PHF20: variants seen among roughly 807,000 people sequenced by gnomAD.
PHF20 encodes glioma-expressed antigen 2.
PHF20 carries 23 observed loss-of-function variants against 113.5 expected under a neutral mutation model. The ratio of observed to expected loss-of-function variants is 0.20; its 90% confidence interval spans 0.15 to 0.29. The LOEUF is 0.29. Among genes scored for constraint, PHF20 ranks in the 10% least tolerant of loss-of-function variants. The pLI, the probability that PHF20 is intolerant of heterozygous loss-of-function variation, is 1.00. For missense variants in PHF20, 943 were observed against 1,219.6 expected (o/e 0.77, Z 3.38); for synonymous variants, 434 against 457.3 (o/e 0.95, Z 0.65).
At chr20:35,796,543 G>A (rs1434327535) in intron 1 of PHF20, among the ~76,000 whole-genome samples, 9 of 152,154 alleles carry the variant, frequency 5.9e-5, no homozygotes, top group African/African-American at 2.2e-4. Flanking sequence ...AGGACCCCAG[G>A]AGGTGTTCTA....
At chr20:35,877,085 C>CGACA (rs2147002551) in intron 9 of PHF20, among the ~76,000 whole-genome samples, 1 of 118,838 alleles carries the variant, frequency 8.4e-6, no homozygotes, top group South Asian at 2.7e-4. Context: ...CCAGCCTGGG[C>CGACA]GACAGAGTGA....
At chr20:35,852,395 G>T (rs1048689126) in intron 4 of PHF20, among the ~76,000 whole-genome samples, 1 of 152,152 alleles carries the variant, frequency 6.6e-6, no homozygotes, top group Non-Finnish European at 1.5e-5. Context: ...GATTATGGGC[G>T]GTTCACTGCC....
chr20:35,873,458 G>GTTTTT (rs1400135809), intron 9 of PHF20, among the ~76,000 whole-genome samples: 10 of 114,588 alleles, frequency 8.7e-5, no homozygotes, highest in Non-Finnish European at 1.4e-4. Flanking sequence ...TGTTTTGTCT[G>GTTTTT]TTTTTTTGTT....
At chr20:35,845,783 T>TC (rs1043383180) in intron 3 of PHF20, among the ~76,000 whole-genome samples, 7 of 149,916 alleles carry the variant, frequency 4.7e-5, no homozygotes, top group Non-Finnish European at 8.9e-5. Flanking sequence ...TTTCTTTCTT[T>TC]TTTTTTTTTT....
chr20:35,810,156 G>A (rs990024917), intron 2 of PHF20, among the ~76,000 whole-genome samples: 3 of 151,972 alleles, frequency 2.0e-5, no homozygotes, highest in African/African-American at 4.8e-5. Flanking sequence ...TCTCAAACTC[G>A]TGACCTCAGG....
intron 9 of PHF20, among the ~76,000 whole-genome samples, chr20:35,892,261 G>T (rs1319530635): frequency 2.3e-5 from 3 of 129,200 alleles, no homozygotes; most frequent in African/African-American, 8.9e-5. Context: ...TTTTAGTAGA[G>T]ACGGGGTTTC....
At chr20:35,818,231 C>T (rs996548127) in intron 2 of PHF20, among the ~76,000 whole-genome samples, 6 of 151,934 alleles carry the variant, frequency 3.9e-5, no homozygotes, top group African/African-American at 9.7e-5. Flanking sequence ...GCCGAAATTG[C>T]GACACTGCAC....
intron 2 of PHF20, among the ~76,000 whole-genome samples, chr20:35,812,064 C>T (rs1284150970): frequency 2.6e-5 from 4 of 152,182 alleles, no homozygotes; most frequent in African/African-American, 7.2e-5. Context: ...TGAGCCACAG[C>T]GCCCGGCCCC....
intron 17 of PHF20, among the ~76,000 whole-genome samples, 173 bp from the exon 18 acceptor site, chr20:35,947,312 G>A (rs1051065009): frequency 1.3e-4 from 20 of 152,166 alleles, no homozygotes; most frequent in Non-Finnish European, 7.4e-5. Flanking sequence ...TAGAGCAGGT[G>A]TTGACACAGT....
At chr20:35,798,435 T>C (rs1007993835) in intron 1 of PHF20, among the ~76,000 whole-genome samples, 2 of 151,824 alleles carry the variant, frequency 1.3e-5, no homozygotes, top group East Asian at 1.9e-4. Context: ...TAAATTCATA[T>C]GAGTTTTTTT....
chr20:35,851,602 T>G (rs1166482171), intron 4 of PHF20, among the ~76,000 whole-genome samples: 6 of 151,916 alleles, frequency 3.9e-5, no homozygotes, highest in African/African-American at 1.4e-4. Flanking sequence ...CCTTTTTTTT[T>G]GCCTAGATAG....
At chr20:35,896,474 A>G (rs1428914564) in intron 9 of PHF20, among the ~76,000 whole-genome samples, 1 of 152,122 alleles carries the variant, frequency 6.6e-6, no homozygotes, top group East Asian at 1.9e-4. Context: ...GTGGGAAGAC[A>G]TTCTAAAGGG....
chr20:35,790,165 A>G (rs542802481), intron 1 of PHF20, among the ~76,000 whole-genome samples: 17 of 151,292 alleles, frequency 1.1e-4, no homozygotes, highest in African/African-American at 3.9e-4. Flanking sequence ...CAAGAACAGT[A>G]GTAACCCTGC....
intron 1 of PHF20, among the ~76,000 whole-genome samples, chr20:35,778,078 TA>T (rs2041210556): frequency 6.6e-6 from 1 of 152,120 alleles, no homozygotes; most frequent in South Asian, 2.1e-4. Flanking sequence ...GTCTTTTTAT[TA>T]ATTTTATTTA....
At chr20:35,879,509 C>G (rs186844281) in intron 9 of PHF20, among the ~76,000 whole-genome samples, 2 of 152,012 alleles carry the variant, frequency 1.3e-5, no homozygotes, top group African/African-American at 4.8e-5. Context: ...CTGTAACAAT[C>G]GTAAACATTA....
At chr20:35,917,307 G>T (rs1280525491) in intron 12 of PHF20, 177 bp from the exon 13 acceptor site, 2 of 710,868 alleles carry the variant, frequency 2.8e-6, no homozygotes, top group Admixed American at 4.0e-5. Flanking sequence ...AGCATGCTTC[G>T]TTTGGGCTGT....
At chr20:35,903,431 T>C (rs2147065089) in intron 10 of PHF20, among the ~76,000 whole-genome samples, 1 of 152,288 alleles carries the variant, frequency 6.6e-6, no homozygotes, top group East Asian at 1.9e-4. Flanking sequence ...AGCAGCAGAA[T>C]GTGCCACACA....
At chr20:35,893,284 C>T (rs1170323419) in intron 9 of PHF20, among the ~76,000 whole-genome samples, 3 of 150,240 alleles carry the variant, frequency 2.0e-5, no homozygotes, top group African/African-American at 7.3e-5. Flanking sequence ...CCAGTCATAT[C>T]TATCTTTCAA....
intron 1 of PHF20, among the ~76,000 whole-genome samples, chr20:35,775,451 GC>G (rs1250767852): frequency 6.6e-6 from 1 of 151,958 alleles, no homozygotes; most frequent in East Asian, 1.9e-4. Flanking sequence ...CTAGCACATA[GC>G]TTTTTAAATA....
Sources: allele counts gnomAD v4.1 joint callset (sites outside exome capture counted in the v4.1 genomes callset), GRCh38; gene constraint gnomAD v4.1.1; transcripts MANE v1.5; gene names NCBI Gene and HGNC (gene_info 2026-07-23, HGNC 2026-07-21).